Variants in SMYD3 observed in about 807,000 individuals in gnomAD.
SMYD3 encodes the protein SET and MYND domain containing 3, also known as histone-lysine N-methyltransferase SMYD3.
SMYD3 carries 36 observed loss-of-function variants against 57.7 expected under a neutral mutation model. The ratio of observed to expected loss-of-function variants is 0.62; its 90% CI spans 0.48 to 0.82. The LOEUF is 0.82. Ranked by LOEUF, SMYD3 falls within the 40% of genes least tolerant of loss-of-function variation. SMYD3 has a pLI of 0.00. For missense variants in SMYD3, 515 were observed against 538.8 expected (o/e 0.96, Z 0.44); for synonymous variants, 211 against 195.0 (o/e 1.08, Z -0.68).
chr1:245,955,551 T>C (rs994135345), intron 5 of SMYD3, among the ~76,000 whole-genome samples: 1 of 152,214 alleles, frequency 6.6e-6, no homozygotes, highest in African/African-American at 2.4e-5. Flanking sequence ...TTCAAGAAAC[T>C]TTCCTACATC....
rs552068593 is a variant in SMYD3, at chr1:246,417,263, C to G, written c.165-62169G>C. ...TGCCATTTAAGCTGTGGCTATCTGGCCTTTCTGTTACAGCCCAACAGGTTC... is the reference window on the plus strand; with the variant it reads ...TGCCATTTAAGCTGTGGCTATCTGGGCTTTCTGTTACAGCCCAACAGGTTC... On this transcript the variant is annotated intron_variant, in intron 1 of 11. Transcript: ENST00000490107. 2.0e-5 allele frequency: 3 copies of G among 152,328 alleles called. No individual in the cohort carries two copies. The South Asian group carries it at 6.2e-4, about 32-fold the overall frequency. 9.4% of individuals were successfully genotyped at this position (152,328 alleles called of 1,614,324 possible). A position where few individuals can be genotyped will look rare whatever the true frequency, so the allele number is the denominator to read the frequency against.
At chr1:245,764,252 T>C (rs1271132887) in intron 10 of SMYD3, 103 bp from the exon 11 acceptor site, 4 of 733,452 alleles carry the variant, frequency 5.5e-6, no homozygotes, top group Non-Finnish European at 9.6e-6. Context: ...GCTGTGAATG[T>C]TAATGAGCTA....
intron 5 of SMYD3, among the ~76,000 whole-genome samples, chr1:246,064,901 G>A (rs2060315758): frequency 6.6e-6 from 1 of 152,214 alleles, no homozygotes. Flanking sequence ...CTGTGACCGT[G>A]TAGGTCTGCA....
At chr1:246,078,393 G>A (rs1482891645) in intron 5 of SMYD3, among the ~76,000 whole-genome samples, 1 of 152,068 alleles carries the variant, frequency 6.6e-6, no homozygotes, top group Non-Finnish European at 1.5e-5. Flanking sequence ...GCCACTTTTA[G>A]GCACCGTGAT....
rs1216710496 is a variant in SMYD3 at position 246,378,791 on chromosome 1, T to C, written c.165-23697A>G. Among the ~76,000 whole-genome samples, 56 of 111,588 alleles carry C rather than the reference T, an allele frequency of 5.0e-4. No individual in the cohort carries two copies. The Admixed American group carries it at 6.4e-3, about 13-fold the overall frequency. 73.2% of individuals were successfully genotyped at this position (111,588 alleles called of 152,430 possible). ...TATATATAATTTAATATATTTAATA[T>C]ATTATTTTTATATATTATATATAAT... On this transcript the variant is annotated intron_variant, in intron 1 of 11. Coordinates refer to ENST00000490107, the MANE Select transcript of SMYD3 (RefSeq NM_001167740.2).
At chr1:246,282,065 T>C (rs149247993) in intron 5 of SMYD3, among the ~76,000 whole-genome samples, 40 of 152,218 alleles carry the variant, frequency 2.6e-4, no homozygotes, top group African/African-American at 9.4e-4. Flanking sequence ...AGACGGGGAC[T>C]ATGTGAATCC....
In SMYD3 at chr1:245,932,469, G is replaced by A. The variant is rs565754703; in HGVS notation, c.532-2532C>T. Among the ~76,000 whole-genome samples the A allele has an allele frequency of 5.1e-4, 77 of 152,080 alleles. 1 individual carries two copies. Among genetic ancestry groups the A allele is most frequent in the Non-Finnish European group, 1.0e-3 (69 of 68,030 alleles). The stretch of plus-strand genomic sequence containing the variant: ...ACTTGCCATCATACACAACTGGATC[G>A]TAAAATACTTGGGAGGGCAGACACA... On this transcript the variant is annotated intron_variant, in intron 5 of 11. Transcript: ENST00000490107.
chr1:245,996,318 T>C (rs73130360), intron 5 of SMYD3, among the ~76,000 whole-genome samples: 28,582 of 152,132 alleles, frequency 0.19, 3,976 homozygotes, highest in African/African-American at 0.39. Flanking sequence ...ATAACTTCCC[T>C]AGACTCTTGA....
intron 8 of SMYD3, among the ~76,000 whole-genome samples, chr1:245,867,506 A>T (rs529024137): frequency 6.6e-6 from 1 of 152,272 alleles, no homozygotes; most frequent in East Asian, 1.9e-4. Flanking sequence ...TAGATCACTC[A>T]TTTATTCCAT....
intron 5 of SMYD3, among the ~76,000 whole-genome samples, chr1:246,134,661 T>C (rs1049282530): frequency 6.6e-6 from 1 of 151,948 alleles, no homozygotes; most frequent in Non-Finnish European, 1.5e-5. Context: ...CAAATGTCCA[T>C]CATATTATTT....
chr1:246,351,636 T>C (rs1191455868), intron 2 of SMYD3, among the ~76,000 whole-genome samples: 2 of 152,160 alleles, frequency 1.3e-5, no homozygotes, highest in African/African-American at 4.8e-5. Context: ...TAAATACATA[T>C]GTCGATGTGT....
At chr1:245,965,995 T>C (rs549609897) in intron 5 of SMYD3, among the ~76,000 whole-genome samples, 1 of 152,296 alleles carries the variant, frequency 6.6e-6, no homozygotes, top group East Asian at 1.9e-4. Context: ...GGCCAAGGGT[T>C]ATATGGGAAA....
At chr1:245,884,145 A>G (rs2052948182) in intron 8 of SMYD3, among the ~76,000 whole-genome samples, 1 of 152,190 alleles carries the variant, frequency 6.6e-6, no homozygotes, top group African/African-American at 2.4e-5. Context: ...TTCTTAAAAA[A>G]GCCCAAAAGG....
At chr1:246,028,890 A>G (rs1429589360) in intron 5 of SMYD3, among the ~76,000 whole-genome samples, 1 of 152,162 alleles carries the variant, frequency 6.6e-6, no homozygotes, top group East Asian at 1.9e-4. Flanking sequence ...AAACACACAA[A>G]CCATTAGCAT....
chr1:246,156,038 C>T (rs2148178159), intron 5 of SMYD3, among the ~76,000 whole-genome samples: 1 of 151,360 alleles, frequency 6.6e-6, no homozygotes. Context: ...TCTTGAGCTA[C>T]AGAGTTCGAA....
intron 5 of SMYD3, chr1:245,955,876 GTTTT>G (rs36039473): frequency 2.5e-4 from 187 of 734,852 alleles, no homozygotes; most frequent in East Asian, 1.1e-3. Flanking sequence ...TTTGTTTTGG[GTTTT>G]TTTTTTTTTT....
chr1:246,479,117 C>T (rs2068069565), intron 1 of SMYD3, among the ~76,000 whole-genome samples: 1 of 151,494 alleles, frequency 6.6e-6, no homozygotes, highest in Non-Finnish European at 1.5e-5. Flanking sequence ...CACCTGTCCT[C>T]TGTCCTGGAG....
intron 10 of SMYD3, among the ~76,000 whole-genome samples, chr1:245,782,632 C>T (rs888150464): frequency 6.6e-6 from 1 of 152,164 alleles, no homozygotes; most frequent in Non-Finnish European, 1.5e-5. Flanking sequence ...GTGACAAAAT[C>T]AGTAATTGAA....
intron 5 of SMYD3, among the ~76,000 whole-genome samples, chr1:246,027,665 T>C (rs2059599914): frequency 6.6e-6 from 1 of 152,220 alleles, no homozygotes; most frequent in African/African-American, 2.4e-5. Context: ...TTACTGTTGA[T>C]TGACAACGCA....
Sources: allele counts gnomAD v4.1 joint callset (sites outside exome capture counted in the v4.1 genomes callset), GRCh38; gene constraint gnomAD v4.1.1; transcripts MANE v1.5; gene names NCBI Gene and HGNC (gene_info 2026-07-23, HGNC 2026-07-21).